The following TSPYL2 variants were observed in gnomAD, a reference collection of about 807,000 sequenced individuals.
TSPYL2 encodes the protein testis-specific Y-encoded-like protein 2.
TSPYL2 carries 9 observed loss-of-function variants against 33.0 expected under a neutral mutation model. That is an observed-to-expected ratio of 0.27 (90% CI 0.16 to 0.48). The LOEUF is 0.48. Ranked by LOEUF, TSPYL2 falls within the 20% of genes least tolerant of loss-of-function variation. The probability of loss-of-function intolerance (pLI) is 0.99; values close to 1 mark genes in which losing one functional copy is unlikely to be tolerated. For synonymous variants in TSPYL2, 330 were observed against 233.6 expected, an observed-to-expected ratio of 1.41 and a Z score of -3.77; for missense variants, 636 against 586.2, an observed-to-expected ratio of 1.08 and a Z score of -0.88.
chrX:53,082,744 G>A lies in TSPYL2; in HGVS notation c.246G>A (p.Gly82=), dbSNP rs1932649081. The part of the protein sequence containing the change: ...PPPPYVILEE[G]GIRAYFTLGA... ...CTCCCTATGTCATTCTCGAGGAGGG[G>A]GGGATCCGCGCATACTTCACGCTCG... Residue 82 remains glycine (G), a synonymous_variant, in exon 1 of 7, where the codon GGG becomes GGA. Transcript: ENST00000375442. 2 of 1,175,106 alleles carry A rather than the reference G, an allele frequency of 1.7e-6. No individual in the cohort carries two copies. The highest frequency in any genetic ancestry group is 1.8e-5 in the African/African-American group (1 of 55,918).
rs782368578 is a variant in TSPYL2 at position 53,086,236 on chromosome X, A to G, written c.1844A>G (p.Lys615Arg). The change falls in exon 6 of 7, where the codon AAG becomes AGG. Residue 615 changes from lysine (K) to arginine (R), a missense_variant. This residue lies in a region of TSPYL2 where 401 missense variants were observed against 363.0 expected (regional missense o/e 1.10). Coordinates refer to ENST00000375442, the MANE Select transcript of TSPYL2 (RefSeq NM_022117.4). Reference protein sequence around the residue: ...YYEKVIEDFDKDQADYEDVIE... With the variant: ...YYEKVIEDFDRDQADYEDVIE... ...GAGAAAGTTATTGAAGACTTTGACA[A>G]GGATCAGGCTGACTACGAGGACGTG... is the stretch of plus-strand genomic sequence containing the variant. The G allele has an allele frequency of 1.6e-5, 19 of 1,209,914 alleles. No individual in the cohort carries two copies. The South Asian group carries it at 3.2e-4, about 20-fold the overall frequency.
intron 4 of TSPYL2, 22 bp downstream of exon 4, chrX:53,085,121 C>CCT: frequency 8.3e-7 from 1 of 1,197,968 alleles, no homozygotes; most frequent in Non-Finnish European, 1.1e-6. Context: ...CCTGGCATCA[C>CCT]CAGAGAAGGC....
At chrX:53,087,648 G>A in intron 6 of TSPYL2, 128 bp from the exon 7 acceptor site, 2 of 665,799 alleles carry the variant, frequency 3.0e-6, no homozygotes, top group South Asian at 2.9e-5. Context: ...TCCAAGCAGA[G>A]GCGCTGACAA....
Position 53,086,171 on chromosome X carries a change from T to C in TSPYL2, c.1779T>C (p.Asn593=). The part of the protein sequence containing the change: ...GSDDDGNEGD[N]EGSDDDDRDI... Reference sequence around the variant, plus strand: ...ATGATGATGGCAATGAAGGTGACAATGAAGGCAGCGATGATGACGACAGAG... The same window carrying C: ...ATGATGATGGCAATGAAGGTGACAACGAAGGCAGCGATGATGACGACAGAG... The change falls in exon 6 of 7, where the codon AAT becomes AAC. Residue 593 remains asparagine, a synonymous_variant. Transcript: ENST00000375442. 8.3e-7 allele frequency: 1 copy of C among 1,207,391 alleles called. No individual in the cohort carries two copies. Among genetic ancestry groups the C allele is most frequent in the Non-Finnish European group, 1.1e-6 (1 of 893,266 alleles).
Position 53,082,833 on chromosome X carries a change from C to T in TSPYL2, c.335C>T (p.Thr112Met). Reference protein sequence around the residue: ...ESGYGEAPPPTESLEALPTPE... With the variant: ...ESGYGEAPPPMESLEALPTPE... Reference sequence around the variant, plus strand: ...GGGTATGGGGAGGCGCCCCCGCCCACGGAGAGCCTGGAAGCACTCCCCACT... The same window carrying T: ...GGGTATGGGGAGGCGCCCCCGCCCATGGAGAGCCTGGAAGCACTCCCCACT... The change falls in exon 1 of 7, where the codon ACG becomes ATG. Residue 112 changes from threonine to methionine, a missense_variant. By Grantham distance (81) the Thr-to-Met change is moderately conservative (BLOSUM62 -1). Around this residue, in one of 3 missense-constraint regions of TSPYL2, gnomAD observed 231 missense variants for 201.6 expected, o/e 1.15. Transcript: ENST00000375442. 2 of 1,205,671 alleles carry T rather than the reference C, an allele frequency of 1.7e-6. No individual in the cohort carries two copies. The highest frequency in any genetic ancestry group is 2.2e-6 in the Non-Finnish European group (2 of 892,990).
chrX:53,085,989 A>G lies in TSPYL2; in HGVS notation c.1597A>G (p.Asn533Asp), dbSNP rs1241854521. 2 of 1,185,834 alleles carry G rather than the reference A, an allele frequency of 1.7e-6. No homozygotes were observed. The highest frequency in any genetic ancestry group is 6.1e-5 in the East Asian group (2 of 32,792). Reference protein sequence around the residue: ...KNTDDNEENPNNNENTYGNNF... With the variant: ...KNTDDNEENPDNNENTYGNNF... ...CACTGATGACAACGAAGAGAACCCT[A>G]ACAACAACGAGAACACTTACGGCAA... The change falls in exon 6 of 7, where the codon AAC becomes GAC. Residue 533 changes from asparagine (N) to aspartate (D), a missense_variant. Coordinates refer to ENST00000375442, the MANE Select transcript of TSPYL2 (RefSeq NM_022117.4).
chrX:53,086,189 C>A lies in TSPYL2; in HGVS notation c.1797C>A (p.Asp599Glu). The A allele has an allele frequency of 1.7e-6, 2 of 1,209,970 alleles. No individual in the cohort carries two copies. Among genetic ancestry groups the A allele is most frequent in the Non-Finnish European group, 2.2e-6 (2 of 894,635 alleles). Residue 599 changes from aspartate to glutamate, a missense_variant, in exon 6 of 7, where the codon GAC becomes GAA. Coordinates refer to ENST00000375442, the MANE Select transcript of TSPYL2 (RefSeq NM_022117.4). ...NEGDNEGSDD[D>E]DRDIEYYEKV... is the part of the protein sequence containing the mutation. Reference sequence around the variant, plus strand: ...GTGACAATGAAGGCAGCGATGATGACGACAGAGACATTGAGTACTATGAGA... The same window carrying A: ...GTGACAATGAAGGCAGCGATGATGAAGACAGAGACATTGAGTACTATGAGA...
intron 6 of TSPYL2, 196 bp from the exon 7 acceptor site, chrX:53,087,580 C>T (rs782350091): frequency 2.3e-6 from 1 of 429,765 alleles, no homozygotes; most frequent in East Asian, 3.8e-5. Context: ...CTCCCTCCAT[C>T]TCCCTCTCAT....
chrX:53,082,452 G>T lies in TSPYL2; in HGVS notation c.-47G>T. The T allele has an allele frequency of 9.2e-7, 1 of 1,091,706 alleles. No homozygotes were observed. 90.0% of individuals were successfully genotyped at this position (1,091,706 alleles called of 1,213,427 possible). ...ACTAGCGGCAGCGACGCGGCTAAAA[G>T]CGAAGGGGCGAGTGCGAGTCCCCTG... On this transcript the variant is annotated 5_prime_UTR_variant, in exon 1 of 7. Transcript: ENST00000375442.
rs188041795 is a variant in TSPYL2 at position 53,082,908 on chromosome X, C to T, written c.410C>T (p.Ser137Leu). 8.3e-7 allele frequency: 1 copy of T among 1,208,467 alleles called. No homozygotes were observed. The highest frequency in any genetic ancestry group is 1.1e-6 in the Non-Finnish European group (1 of 894,813). ...SLEIDFQVVQ[S>L]SSFGGEGALE... ...GAAATCGATTTTCAGGTTGTACAGT[C>T]GAGCAGTTTTGGTGGAGAGGGGGCC... The change falls in exon 1 of 7, where the codon TCG (serine) becomes TTG (leucine). Residue 137 changes from serine to leucine, a missense_variant. Ser to Leu is a moderately radical substitution (Grantham distance 145). Around this residue, in one of 3 missense-constraint regions of TSPYL2, gnomAD observed 231 missense variants for 201.6 expected, o/e 1.15. Transcript: ENST00000375442.
chrX:53,085,597 C>T lies in TSPYL2; in HGVS notation c.1239-34C>T, dbSNP rs1556808286. ...AGTGCTATGAGTACACCACCTCCCA[C>T]CAACCCTATACTCAGCCACAGCCTT... is the stretch of plus-strand genomic sequence containing the variant. On this transcript the variant is annotated intron_variant, in intron 5 of 6. Coordinates refer to ENST00000375442, the MANE Select transcript of TSPYL2 (RefSeq NM_022117.4). The T allele has an allele frequency of 3.3e-6, 4 of 1,198,400 alleles. No individual in the cohort carries two copies. The South Asian group carries it at 7.1e-5, about 21-fold the overall frequency.
In TSPYL2 at chrX:53,082,870, G is replaced by GT; in HGVS notation, c.372_373insT (p.Gly125TrpfsTer26). 8.3e-7 allele frequency: 1 copy of GT among 1,209,313 alleles called. No individual in the cohort carries two copies. Among genetic ancestry groups the GT allele is most frequent in the Non-Finnish European group, 1.1e-6 (1 of 894,414 alleles). On this transcript the variant is annotated frameshift_variant, in exon 1 of 7. Coordinates refer to ENST00000375442, the MANE Select transcript of TSPYL2 (RefSeq NM_022117.4). LOFTEE classifies it high-confidence loss of function. ...AAGCACTCCCCACTCCTGAGGCCTCGGGGGGGAGCCTGGAAATCGATTTTC... is the reference window on the plus strand; with the variant it reads ...AAGCACTCCCCACTCCTGAGGCCTCGTGGGGGGAGCCTGGAAATCGATTTTC...
At chrX:53,087,675 A>G (rs1932786675) in intron 6 of TSPYL2, 101 bp from the exon 7 acceptor site, 1 of 959,520 alleles carries the variant, frequency 1.0e-6, no homozygotes, top group Non-Finnish European at 1.4e-6. Context: ...CCAGGCCGCT[A>G]AAAACCCTGG....
chrX:53,087,703 T>C, intron 6 of TSPYL2, 73 bp from the exon 7 acceptor site: 1 of 1,098,369 alleles, frequency 9.1e-7, no homozygotes, highest in South Asian at 2.1e-5. Flanking sequence ...CTCTGTTCCC[T>C]TTTAGAGTGA....
At chrX:53,083,433 C>G in intron 1 of TSPYL2, 128 bp downstream of exon 1, 1 of 624,861 alleles carries the variant, frequency 1.6e-6, no homozygotes, top group Non-Finnish European at 2.5e-6. Flanking sequence ...TATCGGAAGA[C>G]GGACTAGACT....
chrX:53,087,976 C>G lies in TSPYL2; in HGVS notation c.*37C>G, dbSNP rs782631401. On this transcript the variant is annotated 3_prime_UTR_variant, in exon 7 of 7. Transcript: ENST00000375442. The stretch of plus-strand genomic sequence containing the variant: ...TTTTGGGGATCACCTCTCTGTATCC[C>G]CCACCCACTATCCCATTTGCCCTCC... The G allele has an allele frequency of 1.7e-6, 2 of 1,187,523 alleles. No homozygotes were observed. The highest frequency in any genetic ancestry group is 3.5e-5 in the African/African-American group (2 of 56,927).
chrX:53,084,688 G>A (rs1556807905), intron 2 of TSPYL2, 66 bp downstream of exon 2: 1 of 1,183,925 alleles, frequency 8.4e-7, no homozygotes, highest in Non-Finnish European at 1.1e-6. Flanking sequence ...GTGACGGGAG[G>A]TGGGTGGGAA....
chrX:53,088,385 T>C lies in TSPYL2; in HGVS notation c.*446T>C. On this transcript the variant is annotated 3_prime_UTR_variant, in exon 7 of 7. Coordinates refer to ENST00000375442, the MANE Select transcript of TSPYL2 (RefSeq NM_022117.4). Reference sequence around the variant, plus strand: ...CTCTCCCAAGTTCTTTCTCCATCCCTCTCCTCTTCCCGCCGCGCCGCTAGC... The same window carrying C: ...CTCTCCCAAGTTCTTTCTCCATCCCCCTCCTCTTCCCGCCGCGCCGCTAGC... 8.0e-6 allele frequency: 1 copy of C among 125,433 alleles called. No individual in the cohort carries two copies. The highest frequency in any genetic ancestry group is 1.6e-5 in the Non-Finnish European group (1 of 60,792). 10.3% of individuals were successfully genotyped at this position (125,433 alleles called of 1,213,427 possible).
chrX:53,084,904 CT>C (rs782261081), intron 3 of TSPYL2, 38 bp downstream of exon 3: 7 of 1,207,202 alleles, frequency 5.8e-6, no homozygotes, highest in Middle Eastern at 2.3e-4. Flanking sequence ...TGTTCCCCCC[CT>C]CAATCTGTCC....
Sources: gnomAD v4.1 joint callset for allele counts on GRCh38, gnomAD v4.1.1 for gene constraint, gnomAD v4.1.1 regional missense constraint, MANE v1.5 for transcripts, NCBI Gene and HGNC (gene_info 2026-07-23, HGNC 2026-07-21) for gene names.